The following PPARGC1A variants were observed in gnomAD, a reference collection of about 807,000 sequenced individuals.
PPARGC1A encodes the protein PPARG coactivator 1 alpha.
Under a neutral mutation model 88.7 loss-of-function variants are expected in PPARGC1A, and 25 were observed. The observed-to-expected ratio is 0.28, with a 90% confidence interval of 0.21 to 0.39. The LOEUF is 0.39. Among genes scored for constraint, PPARGC1A ranks in the 10% least tolerant of loss-of-function variants. The probability of loss-of-function intolerance (pLI) is 1.00; values close to 1 mark genes in which losing one functional copy is unlikely to be tolerated. For synonymous variants in PPARGC1A, 363 were observed against 355.6 expected, an observed-to-expected ratio of 1.02 and a Z score of -0.24; for missense variants, 880 against 968.7, an observed-to-expected ratio of 0.91 and a Z score of 1.22.
chr4:23,925,712 G>A, the PPARGC1A span, among the ~76,000 whole-genome samples: 1 of 152,204 alleles, frequency 6.6e-6, no homozygotes, highest in Non-Finnish European at 1.5e-5. Flanking sequence ...GGGGTAAGAT[G>A]TGAGGAGGTA....
chr4:23,844,019 T>C (rs2148621169), intron 2 of PPARGC1A, among the ~76,000 whole-genome samples: 1 of 151,708 alleles, frequency 6.6e-6, no homozygotes, highest in African/African-American at 2.4e-5. Flanking sequence ...ACAAATATTA[T>C]ATATATATCT....
the PPARGC1A span, among the ~76,000 whole-genome samples, chr4:23,947,401 A>ATG: frequency 1.2e-3 from 5 of 4,062 alleles, 1 homozygote; most frequent in Non-Finnish European, 3.4e-3. Context: ...ATATATAAAA[A>ATG]AAACGGTGAT....
At chr4:23,828,930 C>T (rs552538121) in intron 4 of PPARGC1A, among the ~76,000 whole-genome samples, 2 of 152,294 alleles carry the variant, frequency 1.3e-5, no homozygotes, top group South Asian at 2.1e-4. Flanking sequence ...TGATTGCTGA[C>T]GCCCAGTACT....
At chr4:24,442,007 G>C in the PPARGC1A span, among the ~76,000 whole-genome samples, 87 of 152,314 alleles carry the variant, frequency 5.7e-4, 1 homozygote, top group South Asian at 1.0e-3. Context: ...GTTATGCAAA[G>C]ATGTTTATAT....
chr4:23,949,696 A>G, the PPARGC1A span, among the ~76,000 whole-genome samples: 1 of 152,114 alleles, frequency 6.6e-6, no homozygotes, highest in Non-Finnish European at 1.5e-5. Flanking sequence ...TAGAACCTAC[A>G]TTGTGAGGTG....
At chr4:23,930,943 G>T in the PPARGC1A span, among the ~76,000 whole-genome samples, 1 of 152,232 alleles carries the variant, frequency 6.6e-6, no homozygotes, top group South Asian at 2.1e-4. Context: ...CTGCCCTTCA[G>T]CTGAACTTTG....
At chr4:24,084,097 T>C in the PPARGC1A span, among the ~76,000 whole-genome samples, 2 of 152,200 alleles carry the variant, frequency 1.3e-5, no homozygotes, top group African/African-American at 4.8e-5. Flanking sequence ...ACCACGCTCT[T>C]ATCTGTTCCT....
the PPARGC1A span, among the ~76,000 whole-genome samples, chr4:24,095,154 G>C: frequency 7.9e-6 from 1 of 127,290 alleles, no homozygotes; most frequent in East Asian, 2.4e-4. Context: ...GTCTCACTCT[G>C]TCACCCAGGC....
chr4:24,128,871 G>T, the PPARGC1A span, among the ~76,000 whole-genome samples: 6 of 152,274 alleles, frequency 3.9e-5, no homozygotes, highest in Non-Finnish European at 7.4e-5. Flanking sequence ...GTAAAATGAA[G>T]TAGGACCCCC....
chr4:23,813,836 A>G lies in PPARGC1A; in HGVS notation c.1647T>C (p.Asp549=), dbSNP rs755666414. 6.2e-7 allele frequency: 1 copy of G among 1,614,040 alleles called. No homozygotes were observed. The highest frequency in any genetic ancestry group is 8.5e-7 in the Non-Finnish European group (1 of 1,179,946). The change falls in exon 8 of 13, where the codon GAT becomes GAC. Residue 549 remains aspartate (D), a synonymous_variant. Coordinates refer to ENST00000264867, the MANE Select transcript of PPARGC1A (RefSeq NM_013261.5). ...SCSSFNSPCR[D]SVSPPKSLFS... ...ATAAGGATTTGGGTGGTGACACAGA[A>G]TCTCTACATGGAGAGTTAAAAGAAG...
chr4:24,327,897 T>A, the PPARGC1A span, among the ~76,000 whole-genome samples: 2 of 152,116 alleles, frequency 1.3e-5, no homozygotes, highest in Admixed American at 1.3e-4. Flanking sequence ...TGGCCTGAAG[T>A]AACTGAAGAA....
At chr4:24,148,158 A>T in the PPARGC1A span, among the ~76,000 whole-genome samples, 1 of 152,152 alleles carries the variant, frequency 6.6e-6, no homozygotes, top group Non-Finnish European at 1.5e-5. Context: ...TTCTCCCCCC[A>T]CAAAAACACA....
chr4:24,446,556 G>T, the PPARGC1A span, among the ~76,000 whole-genome samples: 2 of 151,636 alleles, frequency 1.3e-5, no homozygotes, highest in Non-Finnish European at 2.9e-5. Context: ...AAAAGAAAAG[G>T]TCTCTCACAG....
chr4:24,404,551 G>T, the PPARGC1A span, among the ~76,000 whole-genome samples: 3 of 152,016 alleles, frequency 2.0e-5, no homozygotes, highest in South Asian at 4.2e-4. Flanking sequence ...TAAAAACAGT[G>T]CAAGAATGCT....
the PPARGC1A span, among the ~76,000 whole-genome samples, chr4:24,026,365 G>A: frequency 6.6e-6 from 1 of 152,138 alleles, no homozygotes; most frequent in Admixed American, 6.5e-5. Flanking sequence ...AGATTCAGAA[G>A]TACATGGAAC....
At chr4:24,044,082 A>T in the PPARGC1A span, among the ~76,000 whole-genome samples, 5 of 152,140 alleles carry the variant, frequency 3.3e-5, no homozygotes, top group Non-Finnish European at 7.4e-5. Flanking sequence ...GGGTCACTAC[A>T]CTACCACTAA....
the PPARGC1A span, among the ~76,000 whole-genome samples, chr4:24,154,930 A>C: frequency 6.6e-6 from 1 of 152,174 alleles, no homozygotes; most frequent in African/African-American, 2.4e-5. Flanking sequence ...CTTGAGTTAC[A>C]CCTTGAGAAA....
At chr4:24,101,205 C>T in the PPARGC1A span, among the ~76,000 whole-genome samples, 9 of 152,196 alleles carry the variant, frequency 5.9e-5, no homozygotes, top group South Asian at 2.1e-4. Context: ...AGAGTTCTCA[C>T]GAGATCTGGT....
At chr4:23,838,776 G>C (rs1726503587) in intron 2 of PPARGC1A, among the ~76,000 whole-genome samples, 1 of 152,120 alleles carries the variant, frequency 6.6e-6, no homozygotes, top group Admixed American at 6.5e-5. Context: ...AATACCACGT[G>C]TGTAAATATG....
Sources: allele counts gnomAD v4.1 joint callset (sites outside exome capture counted in the v4.1 genomes callset), GRCh38; gene constraint gnomAD v4.1.1; transcripts MANE v1.5; gene names NCBI Gene and HGNC (gene_info 2026-07-23, HGNC 2026-07-21).